Variants in TLK1 observed in about 807,000 individuals in gnomAD.
TLK1 encodes the protein serine/threonine-protein kinase tousled-like 1.
In TLK1, 24 loss-of-function variants were observed where a neutral mutation model predicts 105.3. The ratio of observed to expected loss-of-function variants is 0.23; its 90% CI spans 0.17 to 0.32. The LOEUF (loss-of-function observed/expected upper bound fraction) is 0.32. TLK1 is among the 10% of genes least tolerant of loss of function. The probability of loss-of-function intolerance (pLI) is 1.00; values close to 1 mark genes in which losing one functional copy is unlikely to be tolerated. For synonymous variants in TLK1, 321 were observed against 310.4 expected (o/e 1.03, Z -0.36); for missense variants, 558 against 910.5 (o/e 0.61, Z 4.98).
intron 1 of TLK1, among the ~76,000 whole-genome samples, chr2:171,212,305 C>T (rs1693633174): frequency 6.8e-6 from 1 of 147,294 alleles, no homozygotes; most frequent in Admixed American, 6.8e-5. Context: ...CCTTCACCTC[C>T]CCCACCGCCC....
At position 171,183,166 on chromosome 2, in the gene TLK1, A is replaced by G. The variant is rs1222460276; in HGVS notation, c.-6+47979T>C. The stretch of plus-strand genomic sequence containing the variant: ...ATATACAAAAAAGAATAAGTGTAAT[A>G]TATGTACATTAATGACATTTAAAAA... On this transcript the variant is annotated intron_variant, in intron 1 of 20. Transcript: ENST00000521943. Among the ~76,000 whole-genome samples, 3 of 152,320 alleles carry G rather than the reference A, an allele frequency of 2.0e-5. No individual in the cohort carries two copies. In the South Asian group the frequency reaches 6.2e-4, roughly 32 times the overall value.
At chr2:171,099,642 G>A (rs909947220) in intron 2 of TLK1, among the ~76,000 whole-genome samples, 2 of 152,148 alleles carry the variant, frequency 1.3e-5, no homozygotes, top group Admixed American at 1.3e-4. Flanking sequence ...GTGTGGTATG[G>A]CGAAAAGATA....
intron 1 of TLK1, among the ~76,000 whole-genome samples, chr2:171,159,311 C>T (rs1036056303): frequency 3.3e-5 from 5 of 152,332 alleles, no homozygotes; most frequent in Middle Eastern, 3.4e-3. Flanking sequence ...CGTTAAAAGA[C>T]ATTCCATGCA....
chr2:171,046,445 T>A, intron 10 of TLK1, 83 bp from the exon 11 acceptor site: 1 of 1,409,484 alleles, frequency 7.1e-7, no homozygotes, highest in South Asian at 1.5e-5. Flanking sequence ...ATAAAAAACA[T>A]GAAAAACCAT....
intron 1 of TLK1, among the ~76,000 whole-genome samples, chr2:171,144,391 A>T (rs1038897516): frequency 6.6e-6 from 1 of 152,214 alleles, no homozygotes; most frequent in Non-Finnish European, 1.5e-5. Flanking sequence ...GCACACATGG[A>T]ACATTCTCCA....
chr2:171,192,455 G>A (rs955033234), intron 1 of TLK1, among the ~76,000 whole-genome samples: 5 of 152,076 alleles, frequency 3.3e-5, no homozygotes, highest in African/African-American at 7.2e-5. Context: ...CGAGGCGGGC[G>A]GATCACGAGG....
Position 171,160,733 on chromosome 2 carries a change from GC to G in TLK1, c.-306del, listed in dbSNP as rs1049323842. The G allele has an allele frequency of 4.4e-6, 2 of 450,550 alleles. No individual in the cohort carries two copies. Among genetic ancestry groups the G allele is most frequent in the African/African-American group, 4.2e-5 (2 of 47,626 alleles). 27.9% of individuals were successfully genotyped at this position (450,550 alleles called of 1,614,324 possible). On this transcript the variant is annotated 5_prime_UTR_variant, in exon 1 of 21. Coordinates refer to ENST00000431350, the MANE Select transcript of TLK1 (RefSeq NM_012290.5). This position sits in a 1 kb window ranked among gnomAD's most constrained non-coding sequence, Gnocchi z 4.4. The stretch of plus-strand genomic sequence containing the variant: ...GAGGCGTCGAGGGGGTGCCAGCCGG[GC>G]CGGGGTCGGAGCGCGGGCGGAGCGC...
At position 171,110,509 on chromosome 2, in the gene TLK1, T is replaced by C. The variant is rs1690116897; in HGVS notation, c.258+7230A>G. On this transcript the variant is annotated intron_variant, in intron 2 of 20. Transcript: ENST00000431350. Reference sequence around the variant, plus strand: ...AAAATGGACTAAAAAGAAGTGGTTATCTTCATAGAGCAGAATACTATTTAG... The same window carrying C: ...AAAATGGACTAAAAAGAAGTGGTTACCTTCATAGAGCAGAATACTATTTAG... 2.6e-5 allele frequency among the ~76,000 whole-genome samples: 4 copies of C among 152,124 alleles called. No homozygotes were observed. In the South Asian group the frequency reaches 8.3e-4, roughly 31 times the overall value.
intron 12 of TLK1, among the ~76,000 whole-genome samples, chr2:171,021,691 G>A (rs1685516944): frequency 6.6e-6 from 1 of 152,098 alleles, no homozygotes; most frequent in Non-Finnish European, 1.5e-5. Flanking sequence ...AGTTATCTCT[G>A]AACTGAATTT....
intron 15 of TLK1, 36 bp downstream of exon 15, chr2:171,006,936 T>G (rs373744412): frequency 2.8e-5 from 45 of 1,603,484 alleles, no homozygotes; most frequent in Non-Finnish European, 3.7e-5. Context: ...TCAAAAAATA[T>G]TCAATTTTAA....
intron 2 of TLK1, chr2:171,091,530 T>C (rs2105490247): frequency 6.6e-6 from 1 of 152,304 alleles, no homozygotes; most frequent in South Asian, 2.1e-4. Flanking sequence ...CCTTGTATTT[T>C]TGGTAGGACT....
intron 2 of TLK1, among the ~76,000 whole-genome samples, chr2:171,097,113 C>T (rs1368997305): frequency 6.6e-6 from 1 of 152,198 alleles, no homozygotes; most frequent in Admixed American, 6.5e-5. Flanking sequence ...CAGTACAGTA[C>T]TGGCATAAAA....
chr2:171,029,148 T>C (rs1042331508), intron 11 of TLK1, among the ~76,000 whole-genome samples: 1 of 152,174 alleles, frequency 6.6e-6, no homozygotes, highest in Admixed American at 6.5e-5. Context: ...ATACTATGTA[T>C]AGATTTGCAG....
chr2:171,147,375 C>T (rs563321407), intron 1 of TLK1, among the ~76,000 whole-genome samples: 2 of 152,294 alleles, frequency 1.3e-5, no homozygotes, highest in South Asian at 4.1e-4. Context: ...TAAAAATACT[C>T]GCCCCCTTTG....
intron 1 of TLK1, among the ~76,000 whole-genome samples, chr2:171,145,485 G>A (rs966754716): frequency 1.3e-4 from 19 of 150,222 alleles, no homozygotes; most frequent in African/African-American, 4.4e-4. Context: ...GGCTACTCGG[G>A]AGGCTGAGGC....
At chr2:171,039,028 T>C (rs903960802) in intron 11 of TLK1, among the ~76,000 whole-genome samples, 2 of 152,178 alleles carry the variant, frequency 1.3e-5, no homozygotes, top group African/African-American at 4.8e-5. Flanking sequence ...AGAATTATTA[T>C]AGCTTCCTAG....
At position 171,006,132 on chromosome 2, in the gene TLK1, T is replaced by C. The variant is rs781754165; in HGVS notation, c.1904+15A>G. On this transcript the variant is annotated intron_variant, in intron 18 of 20. Transcript: ENST00000431350. ...ACCAATCTAGACATTCTGATGTTTT[T>C]AGTAATACACTTACCAGTAAGTGCC... The C allele has an allele frequency of 1.3e-6, 2 of 1,541,990 alleles. No homozygotes were observed. The highest frequency in any genetic ancestry group is 1.4e-5 in the African/African-American group (1 of 72,024).
chr2:171,058,033 G>A, intron 5 of TLK1, 118 bp downstream of exon 5: 1 of 953,840 alleles, frequency 1.0e-6, no homozygotes, highest in Non-Finnish European at 1.6e-6. Context: ...TAGTAATAAA[G>A]CTCTGCTCTA....
intron 12 of TLK1, among the ~76,000 whole-genome samples, chr2:171,017,139 CTTAG>C (rs765332245): frequency 2.0e-4 from 30 of 152,170 alleles, no homozygotes; most frequent in Admixed American, 5.2e-4. Flanking sequence ...CAAAACATAG[CTTAG>C]TTATCATAGT....
Sources: gnomAD v4.1 joint callset for allele counts (sites outside exome capture counted in the v4.1 genomes callset) on GRCh38, gnomAD v4.1.1 for gene constraint, Gnocchi (gnomAD v3.1) non-coding constraint, MANE v1.5 for transcripts, NCBI Gene and HGNC (gene_info 2026-07-23, HGNC 2026-07-21) for gene names.